The following KCNMA1 variants were observed in gnomAD, a reference collection of about 807,000 sequenced individuals.
KCNMA1 encodes Calcium-activated potassium channel subunit alpha-1.
KCNMA1 carries 29 observed loss-of-function variants against 140.0 expected under a neutral mutation model. The ratio of observed to expected loss-of-function variants is 0.21; its 90% CI spans 0.15 to 0.28. KCNMA1 has a LOEUF of 0.28. Ranked by LOEUF, KCNMA1 falls within the 10% of genes least tolerant of loss-of-function variation. The probability of loss-of-function intolerance (pLI) is 1.00; values close to 1 mark genes in which losing one functional copy is unlikely to be tolerated. For missense variants in KCNMA1, 880 were observed against 1,602.2 expected, an observed-to-expected ratio of 0.55 and a Z score of 7.70; for synonymous variants, 612 against 611.9, an observed-to-expected ratio of 1.00 and a Z score of 0.00.
At chr10:77,471,700 A>G (rs1322416031) in intron 1 of KCNMA1, among the ~76,000 whole-genome samples, 1 of 150,322 alleles carries the variant, frequency 6.7e-6, no homozygotes, top group South Asian at 2.1e-4. Context: ...ACACATACAC[A>G]TTATATACAC....
intron 1 of KCNMA1, among the ~76,000 whole-genome samples, chr10:77,433,314 G>C (rs1194049016): frequency 6.6e-6 from 1 of 151,976 alleles, no homozygotes; most frequent in Non-Finnish European, 1.5e-5. Context: ...CACCACATCT[G>C]GCTAATTTTT....
At chr10:77,495,818 C>A (rs531984811) in intron 1 of KCNMA1, among the ~76,000 whole-genome samples, 27 of 152,240 alleles carry the variant, frequency 1.8e-4, no homozygotes, top group Admixed American at 1.7e-3. Flanking sequence ...GGAAGAGACC[C>A]CCACACCAGG....
Position 77,112,370 on chromosome 10 carries a change from A to G in KCNMA1, c.957T>C (p.His319=). 2 of 1,612,798 alleles carry G rather than the reference A, an allele frequency of 1.2e-6. No homozygotes were observed. The highest frequency in any genetic ancestry group is 1.7e-6 in the Non-Finnish European group (2 of 1,178,804). Reference sequence around the variant, plus strand: ...AAGGGTCTTCAAGGTTACTCACCAAATGGATGAACCCGGCTGCAGTCAGCC... The same window carrying G: ...AAGGGTCTTCAAGGTTACTCACCAAGTGGATGAACCCGGCTGCAGTCAGCC... ...STWLTAAGFI[H]LVENSGDPWE... Residue 319 remains histidine (H), a synonymous_variant, in exon 7 of 28, where the codon CAT becomes CAC. Coordinates refer to ENST00000286628, the MANE Select transcript of KCNMA1 (RefSeq NM_001161352.2).
chr10:77,524,858 A>T (rs2054961228), intron 1 of KCNMA1, among the ~76,000 whole-genome samples: 1 of 152,118 alleles, frequency 6.6e-6, no homozygotes, highest in African/African-American at 2.4e-5. Context: ...GAAGAGGAGG[A>T]AATAATATGA....
At chr10:76,882,977 T>C (rs960197226), downstream of KCNMA1, among the ~76,000 whole-genome samples, 3 of 152,354 alleles carry the variant, frequency 2.0e-5, no homozygotes, top group African/African-American at 4.8e-5. Flanking sequence ...AAGGAGCCTG[T>C]TGCTATAGGA....
chr10:77,064,561 T>C (rs796317993), intron 14 of KCNMA1, among the ~76,000 whole-genome samples: 1 of 152,218 alleles, frequency 6.6e-6, no homozygotes, highest in African/African-American at 2.4e-5. Context: ...ACCAGGGCCA[T>C]AGGGGAAATG....
intron 2 of KCNMA1, among the ~76,000 whole-genome samples, chr10:77,265,873 G>A (rs1211820289): frequency 6.6e-6 from 1 of 152,096 alleles, no homozygotes; most frequent in Non-Finnish European, 1.5e-5. Context: ...TTGAGCTCAG[G>A]AGTTCAAGAC....
chr10:77,176,694 A>G (rs1218133086), intron 5 of KCNMA1, among the ~76,000 whole-genome samples: 3 of 152,186 alleles, frequency 2.0e-5, no homozygotes, highest in Non-Finnish European at 4.4e-5. Context: ...GACTTTGGCA[A>G]GTTACTCAAC....
Position 76,885,220 on chromosome 10 carries a change from T to C in KCNMA1, c.*2046A>G. On this transcript the variant is annotated 3_prime_UTR_variant, in exon 28 of 28. Transcript: ENST00000286628. ...ATATATATAGTTATATATATAGTTA[T>C]ATATATATAATTATATAGTTATATA... 1 of 544,138 alleles carries C rather than the reference T, an allele frequency of 1.8e-6. No individual in the cohort carries two copies. The highest frequency in any genetic ancestry group is 2.4e-6 in the Non-Finnish European group (1 of 425,324). 33.7% of individuals were successfully genotyped at this position (544,138 alleles called of 1,614,324 possible). A position where few individuals can be genotyped will look rare whatever the true frequency, so the allele number is the denominator to read the frequency against.
intron 1 of KCNMA1, among the ~76,000 whole-genome samples, chr10:77,582,087 C>A (rs1431051102): frequency 2.0e-5 from 3 of 152,208 alleles, no homozygotes; most frequent in Non-Finnish European, 4.4e-5. Context: ...CTGGAAATTT[C>A]TCCAGCAAGA....
chr10:77,440,584 T>C (rs2097373460), intron 1 of KCNMA1, among the ~76,000 whole-genome samples: 1 of 152,034 alleles, frequency 6.6e-6, no homozygotes, highest in African/African-American at 2.4e-5. Context: ...TTTGAGATAA[T>C]AGTGGGAAAG....
At chr10:77,221,975 G>T (rs2049843311) in intron 3 of KCNMA1, among the ~76,000 whole-genome samples, 1 of 151,372 alleles carries the variant, frequency 6.6e-6, no homozygotes, top group Non-Finnish European at 1.5e-5. Flanking sequence ...CAAATTCTCT[G>T]AGCCTATTTC....
chr10:77,083,010 A>G (rs2096614364), intron 12 of KCNMA1, among the ~76,000 whole-genome samples: 2 of 152,200 alleles, frequency 1.3e-5, no homozygotes. Flanking sequence ...CAATGCAAAC[A>G]TTGTCAGGAT....
At chr10:77,159,338 C>T (rs952486044) in intron 5 of KCNMA1, among the ~76,000 whole-genome samples, 1 of 151,972 alleles carries the variant, frequency 6.6e-6, no homozygotes, top group African/African-American at 2.4e-5. Flanking sequence ...AGTATCGTTG[C>T]CTTTTATTTT....
chr10:77,331,898 T>C (rs1356276892), intron 2 of KCNMA1, among the ~76,000 whole-genome samples: 1 of 152,088 alleles, frequency 6.6e-6, no homozygotes, highest in Non-Finnish European at 1.5e-5. Context: ...CTTAAAGAAA[T>C]ACATTGGGGA....
At chr10:77,570,594 G>GGGGGAGA in intron 1 of KCNMA1, among the ~76,000 whole-genome samples, 1 of 4,430 alleles carries the variant, frequency 2.3e-4, no homozygotes, top group East Asian at 0.01. Context: ...TTGTGGGGTA[G>GGGGGAGA]GGGGAGGGGG....
chr10:77,168,945 C>A (rs185779039), intron 5 of KCNMA1, among the ~76,000 whole-genome samples: 1 of 152,078 alleles, frequency 6.6e-6, no homozygotes, highest in Non-Finnish European at 1.5e-5. Context: ...AATATGTGAA[C>A]GAATGAACAT....
At chr10:77,000,821 A>G (rs927492103) in intron 19 of KCNMA1, among the ~76,000 whole-genome samples, 2 of 142,858 alleles carry the variant, frequency 1.4e-5, no homozygotes, top group African/African-American at 5.2e-5. Context: ...GCACTGGAGG[A>G]ATGAGGCACA....
chr10:77,219,521 T>C (rs1296410389), intron 3 of KCNMA1, among the ~76,000 whole-genome samples: 1 of 151,984 alleles, frequency 6.6e-6, no homozygotes, highest in East Asian at 1.9e-4. Context: ...CCAAAGATTA[T>C]GAGGGTACAG....
Sources: allele counts gnomAD v4.1 joint callset (sites outside exome capture counted in the v4.1 genomes callset), GRCh38; gene constraint gnomAD v4.1.1; transcripts MANE v1.5; gene names NCBI Gene and HGNC (gene_info 2026-07-23, HGNC 2026-07-21).